DAG1: variants seen among roughly 807,000 people sequenced by gnomAD.
DAG1 encodes dystroglycan 1 (dystrophin-associated glycoprotein 1).
Under a neutral mutation model 46.1 loss-of-function variants are expected in DAG1, and 8 were observed. The ratio of observed to expected loss-of-function variants is 0.17; its 90% CI spans 0.10 to 0.31. DAG1 has a LOEUF of 0.31. Ranked by LOEUF, DAG1 falls within the 10% of genes least tolerant of loss-of-function variation. The pLI is 1.00. For missense variants in DAG1, 1,003 were observed against 1,189.9 expected, an observed-to-expected ratio of 0.84 and a Z score of 2.31; for synonymous variants, 495 against 481.8, an observed-to-expected ratio of 1.03 and a Z score of -0.36.
intron 2 of DAG1, among the ~76,000 whole-genome samples, chr3:49,528,987 A>G (rs1186432448): frequency 6.6e-6 from 1 of 151,722 alleles, no homozygotes; most frequent in Non-Finnish European, 1.5e-5. Flanking sequence ...AGTAGCTGGG[A>G]CTACAGGTGC....
intron 1 of DAG1, among the ~76,000 whole-genome samples, chr3:49,509,737 G>GT (rs11405695): frequency 0.2 from 29,829 of 150,936 alleles, 3,326 homozygotes; most frequent in Middle Eastern, 0.27. Flanking sequence ...ATATTTTATT[G>GT]TTTTTTTTTG....
intron 1 of DAG1, among the ~76,000 whole-genome samples, chr3:49,478,802 C>CTTTT (rs201202889): frequency 9.2e-5 from 7 of 75,998 alleles, no homozygotes; most frequent in African/African-American, 1.1e-4. Context: ...CGTCCCCTCC[C>CTTTT]TTTTTTTTTT....
chr3:49,491,553 T>G (rs1380663327), intron 1 of DAG1, among the ~76,000 whole-genome samples: 2 of 149,776 alleles, frequency 1.3e-5, no homozygotes, highest in Middle Eastern at 3.6e-3. Flanking sequence ...TCTTGCTCAC[T>G]GCAAGCTCTG....
chr3:49,494,279 T>C (rs576880858), intron 1 of DAG1, among the ~76,000 whole-genome samples: 1 of 152,306 alleles, frequency 6.6e-6, no homozygotes, highest in East Asian at 1.9e-4. Context: ...CTGCAGTGAA[T>C]ATGCCAGAAT....
intron 2 of DAG1, among the ~76,000 whole-genome samples, chr3:49,516,928 T>A (rs2050913212): frequency 6.6e-6 from 1 of 151,980 alleles, no homozygotes. Context: ...GCTAAGTGAC[T>A]TATCTCGGAG....
In DAG1 at chr3:49,531,973, C is replaced by T. The variant is rs755443084; in HGVS notation, c.1462C>T (p.Pro488Ser). Residue 488 changes from proline (P) to serine (S), a missense_variant, in exon 3 of 3, where the codon CCC becomes TCC. Physicochemically the swap from Pro to Ser is moderately conservative, Grantham distance 74 (BLOSUM62 -1). This residue lies in a region of DAG1 where 755 missense variants were observed against 854.1 expected (regional missense o/e 0.88). Coordinates refer to ENST00000308775, the MANE Select transcript of DAG1 (RefSeq NM_004393.6). This position sits in a 1 kb window ranked among gnomAD's most constrained non-coding sequence, Gnocchi z 7.0. ...TRIRTTTSGVPRGGEPNQRPE... is the reference protein window; with the variant it reads ...TRIRTTTSGVSRGGEPNQRPE... ...TATTCGCACCACCACCAGTGGAGTG[C>T]CCCGTGGCGGAGAACCCAACCAGCG... 4 of 1,614,088 alleles carry T rather than the reference C, an allele frequency of 2.5e-6. No individual in the cohort carries two copies. The highest frequency in any genetic ancestry group is 3.4e-6 in the Non-Finnish European group (4 of 1,180,042).
rs1476503277 is a variant in DAG1, at chr3:49,531,373, G to C, written c.862G>C (p.Ala288Pro). 1 of 1,614,176 alleles carries C rather than the reference G, an allele frequency of 6.2e-7. No homozygotes were observed. The highest frequency in any genetic ancestry group is 1.7e-5 in the Admixed American group (1 of 60,016). Residue 288 changes from alanine to proline, a missense_variant, in exon 3 of 3, where the codon GCT becomes CCT. By Grantham distance (27) the Ala-to-Pro change is conservative. Coordinates refer to ENST00000308775, the MANE Select transcript of DAG1 (RefSeq NM_004393.6). This position sits in a 1 kb window ranked among gnomAD's most constrained non-coding sequence, Gnocchi z 7.0. ...CCCTGCCAGGGAGGGCGCAATGTCTGCTCAGCTTGGCTACCCTGTGGTGGG... is the reference window on the plus strand; with the variant it reads ...CCCTGCCAGGGAGGGCGCAATGTCTCCTCAGCTTGGCTACCCTGTGGTGGG... ...EAPAREGAMS[A>P]QLGYPVVGWH...
Position 49,533,451 on chromosome 3 carries a change from C to G in DAG1, c.*252C>G, listed in dbSNP as rs2051427654. 1.5e-6 allele frequency: 1 copy of G among 668,504 alleles called. No individual in the cohort carries two copies. The highest frequency in any genetic ancestry group is 1.5e-5 in the South Asian group (1 of 66,396). 41.4% of individuals were successfully genotyped at this position (668,504 alleles called of 1,614,324 possible). A position where few individuals can be genotyped will look rare whatever the true frequency, so the allele number is the denominator to read the frequency against. On this transcript the variant is annotated 3_prime_UTR_variant, in exon 3 of 3. Coordinates refer to ENST00000308775, the MANE Select transcript of DAG1 (RefSeq NM_004393.6). Reference sequence around the variant, plus strand: ...GCTTTTGGTTTGTTCATAGAGAATTCTTCGCTTCATTTTTGATGGCTGGCT... The same window carrying G: ...GCTTTTGGTTTGTTCATAGAGAATTGTTCGCTTCATTTTTGATGGCTGGCT...
intron 1 of DAG1, among the ~76,000 whole-genome samples, chr3:49,507,905 G>T (rs2107615710): frequency 6.6e-6 from 1 of 152,006 alleles, no homozygotes; most frequent in African/African-American, 2.4e-5. Context: ...TGTATTTTTT[G>T]AGAGGAATCT....
intron 2 of DAG1, among the ~76,000 whole-genome samples, chr3:49,529,094 GCC>G (rs1369282805): frequency 1.3e-5 from 2 of 151,888 alleles, no homozygotes; most frequent in Non-Finnish European, 2.9e-5. Context: ...CAGGTGATCT[GCC>G]CACCTTGGCC....
At chr3:49,508,568 TTTTGTA>T (rs1169608884) in intron 1 of DAG1, among the ~76,000 whole-genome samples, 3 of 152,112 alleles carry the variant, frequency 2.0e-5, no homozygotes, top group African/African-American at 7.2e-5. Flanking sequence ...CTGGCTAATT[TTTTGTA>T]TTTGTAGTAG....
rs908441738 is a variant in DAG1, at chr3:49,478,629, G to C, written c.-117+8196G>C. Among the ~76,000 whole-genome samples, 3 of 146,184 alleles carry C rather than the reference G, an allele frequency of 2.1e-5. No individual in the cohort carries two copies. The Admixed American group carries it at 2.1e-4, about 10-fold the overall frequency. ...CTGAGCTTAAGCGATTCATCTGCCT[G>C]AGCCTCACAAACTGCTGGATTACAG... On this transcript the variant is annotated intron_variant, in intron 1 of 2. Transcript: ENST00000308775.
In DAG1 at chr3:49,532,749, GGAT is replaced by G. The variant is rs2107952487; in HGVS notation, c.2243_2245del (p.Asp748del). 1 of 1,614,138 alleles carries G rather than the reference GGAT, an allele frequency of 6.2e-7. No individual in the cohort carries two copies. The highest frequency in any genetic ancestry group is 8.5e-7 in the Non-Finnish European group (1 of 1,180,038). ...ACAGGGACCCTGAGAAGAGCAGTGA[GGAT>G]GATGTCTACCTGCACACAGTCATTC... is the stretch of plus-strand genomic sequence containing the variant. On this transcript the variant is annotated inframe_deletion, in exon 3 of 3. Coordinates refer to ENST00000308775, the MANE Select transcript of DAG1 (RefSeq NM_004393.6). The surrounding 1 kb of genome is among the most constrained non-coding windows in gnomAD (Gnocchi z 5.4).
rs931802908 is a variant in DAG1 at position 49,533,543 on chromosome 3, C to T, written c.*344C>T. The T allele has an allele frequency of 8.0e-5, 40 of 498,286 alleles. No individual in the cohort carries two copies. The highest frequency in any genetic ancestry group is 1.2e-4 in the Non-Finnish European group (31 of 265,204). 30.9% of individuals were successfully genotyped at this position (498,286 alleles called of 1,614,324 possible). On this transcript the variant is annotated 3_prime_UTR_variant, in exon 3 of 3. Transcript: ENST00000308775. ...CCATGAATGAACTCGCAGGCAGTGC[C>T]GGGCGGCCCCCTGGCTCTCTGCGTT... is the stretch of plus-strand genomic sequence containing the variant.
intron 1 of DAG1, among the ~76,000 whole-genome samples, chr3:49,502,763 C>A (rs933219531): frequency 6.6e-6 from 1 of 151,776 alleles, no homozygotes; most frequent in African/African-American, 2.4e-5. Flanking sequence ...CTCAGCCTCC[C>A]GAGTAGCTGG....
At chr3:49,522,824 A>C (rs1435394191) in intron 2 of DAG1, among the ~76,000 whole-genome samples, 2 of 152,206 alleles carry the variant, frequency 1.3e-5, no homozygotes, top group Admixed American at 6.5e-5. Flanking sequence ...CCTGTGAGCT[A>C]CAGCCTGTGA....
chr3:49,477,799 T>A (rs1237576080), intron 1 of DAG1, among the ~76,000 whole-genome samples: 1 of 151,368 alleles, frequency 6.6e-6, no homozygotes, highest in African/African-American at 2.4e-5. Context: ...CTGTCTCTGA[T>A]AAAAATACAA....
At chr3:49,472,473 T>C (rs2049548519) in intron 1 of DAG1, among the ~76,000 whole-genome samples, 1 of 152,126 alleles carries the variant, frequency 6.6e-6, no homozygotes, top group Non-Finnish European at 1.5e-5. Context: ...CCACTTAGAC[T>C]GCCGTCGATG....
chr3:49,470,203 C>T (rs1334678262), upstream of DAG1: 2 of 151,668 alleles, frequency 1.3e-5, no homozygotes, highest in Non-Finnish European at 2.9e-5. Flanking sequence ...GGCTGCAACA[C>T]TCGCGTGTCA....
Sources: allele counts gnomAD v4.1 joint callset (sites outside exome capture counted in the v4.1 genomes callset), GRCh38; gene constraint gnomAD v4.1.1; regional missense constraint gnomAD v4.1.1; non-coding constraint Gnocchi (gnomAD v3.1); transcripts MANE v1.5; gene names NCBI Gene and HGNC (gene_info 2026-07-23, HGNC 2026-07-21).